The following TXLNG variants were observed in gnomAD, a reference collection of about 807,000 sequenced individuals.
TXLNG encodes gamma-taxilin.
TXLNG carries 5 observed loss-of-function variants against 38.8 expected under a neutral mutation model. That is an observed-to-expected ratio of 0.13 (90% CI 0.07 to 0.27). The LOEUF (loss-of-function observed/expected upper bound fraction) is 0.27, where lower values mean the gene tolerates loss of function less well. Among genes scored for constraint, TXLNG ranks in the 10% least tolerant of loss-of-function variants. The pLI, the probability that TXLNG is intolerant of heterozygous loss-of-function variation, is 1.00. For missense variants in TXLNG, 393 were observed against 398.2 expected (o/e 0.99, Z 0.11); for synonymous variants, 182 against 158.2 (o/e 1.15, Z -1.13).
chrX:16,843,149 C>T lies in TXLNG; in HGVS notation c.*1383C>T, dbSNP rs1929924286. The T allele has an allele frequency of 8.9e-6, 1 of 112,419 alleles. No homozygotes were observed. The highest frequency in any genetic ancestry group is 3.2e-5 in the African/African-American group (1 of 30,961). The allele number at this position is 112,419 out of a possible 1,213,427, so 9.3% of individuals were successfully genotyped here. The stretch of plus-strand genomic sequence containing the variant: ...TACTAGAACTGATGTTAGCACATTC[C>T]ACTGAGCAAAACTATCAGACTGACA... On this transcript the variant is annotated 3_prime_UTR_variant, in exon 10 of 10. Coordinates refer to ENST00000380122, the MANE Select transcript of TXLNG (RefSeq NM_018360.3).
chrX:16,795,357 A>G (rs958048487), intron 1 of TXLNG, among the ~76,000 whole-genome samples: 1 of 112,813 alleles, frequency 8.9e-6, no homozygotes, highest in Non-Finnish European at 1.9e-5. Context: ...GCAGTCATTA[A>G]CATTCACTTA....
At chrX:16,807,034 A>T (rs1284502436) in intron 1 of TXLNG, among the ~76,000 whole-genome samples, 1 of 111,174 alleles carries the variant, frequency 9.0e-6, no homozygotes, top group Non-Finnish European at 1.9e-5. Context: ...CAGTGAGCTG[A>T]GATAGGGCCA....
intron 1 of TXLNG, among the ~76,000 whole-genome samples, chrX:16,802,636 C>T (rs868695311): frequency 1.8e-5 from 2 of 111,070 alleles, no homozygotes; most frequent in Middle Eastern, 4.6e-3. Context: ...GGTATGACCT[C>T]CTGCTGTGTT....
rs374661132 is a variant in TXLNG at position 16,829,573 on chromosome X, A to G, written c.670-3A>G. 1.5e-4 allele frequency: 185 copies of G among 1,207,300 alleles called. No homozygotes were observed. Among genetic ancestry groups the G allele is most frequent in the Non-Finnish European group, 2.0e-4 (177 of 893,841 alleles). The stretch of plus-strand genomic sequence containing the variant: ...ATTAACAAAAATTATTTTGGGTAAT[A>G]AGGAGGAAAATATGCAGCAGGCACG... On this transcript the variant is annotated splice_region_variant and splice_polypyrimidine_tract_variant and intron_variant, in intron 4 of 9. Coordinates refer to ENST00000380122, the MANE Select transcript of TXLNG (RefSeq NM_018360.3).
chrX:16,807,790 A>G (rs944825641), intron 1 of TXLNG, among the ~76,000 whole-genome samples: 1 of 111,557 alleles, frequency 9.0e-6, no homozygotes, highest in Non-Finnish European at 1.9e-5. Flanking sequence ...TCCTCTGCAT[A>G]TGCCTGGCCC....
intron 1 of TXLNG, among the ~76,000 whole-genome samples, chrX:16,795,812 A>ATTT (rs758666977): frequency 2.0e-5 from 2 of 97,898 alleles, no homozygotes; most frequent in African/African-American, 3.7e-5. Context: ...GTATAATTCA[A>ATTT]TTTTTTTTTT....
At chrX:16,799,327 G>A (rs1012831485) in intron 1 of TXLNG, among the ~76,000 whole-genome samples, 12 of 111,415 alleles carry the variant, frequency 1.1e-4, no homozygotes, top group Non-Finnish European at 1.9e-4. Flanking sequence ...TAGAAGCATC[G>A]ACCTCCATGC....
rs1316157946 is a variant in TXLNG at position 16,838,816 on chromosome X, C to T, written c.1153-1005C>T. Among the ~76,000 whole-genome samples the T allele has an allele frequency of 3.6e-5, 4 of 111,972 alleles. 1 individual carries two copies. In the South Asian group the frequency reaches 1.5e-3, roughly 42 times the overall value. The stretch of plus-strand genomic sequence containing the variant: ...AGTTCCCGCCTCCTGGATCTGCCAT[C>T]CTTCTGGTCCTCTGGGACTGGAACA... On this transcript the variant is annotated intron_variant, in intron 8 of 9. Coordinates refer to ENST00000380122, the MANE Select transcript of TXLNG (RefSeq NM_018360.3).
chrX:16,794,446 A>T (rs1269475557), intron 1 of TXLNG, among the ~76,000 whole-genome samples: 1 of 111,414 alleles, frequency 9.0e-6, no homozygotes, highest in African/African-American at 3.3e-5. Flanking sequence ...ATGATTTAGG[A>T]GGTATGCCAT....
chrX:16,814,016 A>T (rs899508093), intron 1 of TXLNG, among the ~76,000 whole-genome samples: 5 of 110,631 alleles, frequency 4.5e-5, no homozygotes, highest in African/African-American at 1.6e-4. Context: ...AACCCGGGAG[A>T]TGGAGATTGC....
At chrX:16,836,831 G>A (rs763567987) in intron 7 of TXLNG, among the ~76,000 whole-genome samples, 16 of 111,762 alleles carry the variant, frequency 1.4e-4, no homozygotes, top group African/African-American at 4.9e-4. Flanking sequence ...TGAAAATAAT[G>A]TGATTATGTT....
Position 16,820,252 on chromosome X carries a change from T to C in TXLNG, c.495T>C (p.Asp165=), listed in dbSNP as rs377573995. ...KLAALCKKYA[D]LLEESRSVQK... ...CAGCTCTCTGTAAGAAATATGCTGA[T>C]CTTGTGAGTATTAAGCCAAGGATGT... Residue 165 remains aspartate, a synonymous_variant, in exon 3 of 10, where the codon GAT becomes GAC. Coordinates refer to ENST00000380122, the MANE Select transcript of TXLNG (RefSeq NM_018360.3). 1.2e-5 allele frequency: 14 copies of C among 1,197,611 alleles called. No individual in the cohort carries two copies. The African/African-American group carries it at 2.3e-4, about 20-fold the overall frequency.
rs1039048596 is a variant in TXLNG, at chrX:16,843,540, G to C, written c.*1774G>C. 1.8e-5 allele frequency: 2 copies of C among 112,144 alleles called. No homozygotes were observed. Among genetic ancestry groups the C allele is most frequent in the East Asian group, 5.6e-4 (2 of 3,597 alleles). The allele number at this position is 112,144 out of a possible 1,213,427, so 9.2% of individuals were successfully genotyped here. On this transcript the variant is annotated 3_prime_UTR_variant, in exon 10 of 10. Transcript: ENST00000380122. ...TACTAGACTCATTTCCCTGGTGGTGGGGGGGAATGCAGGTATAGATCAGAA... is the reference window on the plus strand; with the variant it reads ...TACTAGACTCATTTCCCTGGTGGTGCGGGGGAATGCAGGTATAGATCAGAA...
At position 16,818,562 on chromosome X, in the gene TXLNG, CCTTT is replaced by C. The variant is rs754609813; in HGVS notation, c.103-8_103-5del. The C allele has an allele frequency of 1.7e-5, 20 of 1,198,247 alleles. No homozygotes were observed. The East Asian group carries it at 2.1e-4, about 12-fold the overall frequency. ...CCTTCTCCATCTTTTTTCTCCTTCT[CCTTT>C]CTTCTAGTTTGAAATTGGCACAATG... On this transcript the variant is annotated splice_region_variant and splice_polypyrimidine_tract_variant and intron_variant, in intron 1 of 9. Transcript: ENST00000380122.
At chrX:16,795,655 C>T (rs1272527182) in intron 1 of TXLNG, among the ~76,000 whole-genome samples, 3 of 111,721 alleles carry the variant, frequency 2.7e-5, no homozygotes, top group Non-Finnish European at 5.6e-5. Flanking sequence ...CCTTTAGCTG[C>T]CTGCTCCCAG....
intron 8 of TXLNG, among the ~76,000 whole-genome samples, 184 bp downstream of exon 8, chrX:16,837,869 A>G (rs184829267): frequency 2.0e-3 from 224 of 111,594 alleles, no homozygotes; most frequent in African/African-American, 7.0e-3. Flanking sequence ...AATGTTCTCT[A>G]TGCTCTTAGA....
intron 1 of TXLNG, among the ~76,000 whole-genome samples, chrX:16,810,803 C>T (rs766715695): frequency 9.0e-6 from 1 of 111,646 alleles, no homozygotes; most frequent in South Asian, 3.8e-4. Flanking sequence ...ATTCTTGTGC[C>T]TCAGCCTCCC....
intron 1 of TXLNG, among the ~76,000 whole-genome samples, chrX:16,807,735 G>C (rs1339038590): frequency 9.0e-6 from 1 of 111,245 alleles, no homozygotes; most frequent in Non-Finnish European, 1.9e-5. Context: ...TGCTCCCTCT[G>C]AAGGTCCACT....
At chrX:16,841,235 C>G (rs1233247149) in intron 9 of TXLNG, among the ~76,000 whole-genome samples, 193 bp from the exon 10 acceptor site, 1 of 110,944 alleles carries the variant, frequency 9.0e-6, no homozygotes, top group Non-Finnish European at 1.9e-5. Context: ...TTTTGTCCCC[C>G]TGAAACAATA....
Sources: gnomAD v4.1 joint callset for allele counts (sites outside exome capture counted in the v4.1 genomes callset) on GRCh38, gnomAD v4.1.1 for gene constraint, MANE v1.5 for transcripts, NCBI Gene and HGNC (gene_info 2026-07-23, HGNC 2026-07-21) for gene names.